Variants in DIP2B observed in about 807,000 individuals in gnomAD.
The protein encoded by DIP2B is disco-interacting protein 2 homolog B.
A neutral mutation model predicts 198.0 loss-of-function variants in DIP2B; 76 were observed. The ratio of observed to expected loss-of-function variants is 0.38; its 90% CI spans 0.32 to 0.46. The LOEUF (loss-of-function observed/expected upper bound fraction) is 0.46, where lower values mean the gene tolerates loss of function less well. Among genes scored for constraint, DIP2B ranks in the 20% least tolerant of loss-of-function variants. DIP2B has a pLI of 0.99. For synonymous variants in DIP2B, 701 were observed against 739.1 expected, an observed-to-expected ratio of 0.95 and a Z score of 0.84; for missense variants, 1,559 against 1,978.4, an observed-to-expected ratio of 0.79 and a Z score of 4.02.
At chr12:50,522,521 T>G (rs950446414) in intron 1 of DIP2B, among the ~76,000 whole-genome samples, 19 of 152,070 alleles carry the variant, frequency 1.2e-4, no homozygotes, top group African/African-American at 4.3e-4. Flanking sequence ...ACCTAATGGA[T>G]GCATCTTTGG....
Position 50,671,376 on chromosome 12 carries a change from T to C in DIP2B, c.618T>C (p.Asp206=). The change falls in exon 5 of 38, where the codon GAT becomes GAC. Residue 206 remains aspartate, a synonymous_variant. Coordinates refer to ENST00000301180, the MANE Select transcript of DIP2B (RefSeq NM_173602.3). ...EVKGTSGSLA[D]VFANTRIENF... ...AAGGAACCAGTGGGTCTCTAGCTGA[T>C]GTATTTGCCAATACTCGAATAGGTA... 4 of 1,614,196 alleles carry C rather than the reference T, an allele frequency of 2.5e-6. No homozygotes were observed. In the South Asian group the frequency reaches 4.4e-5, roughly 18 times the overall value.
intron 1 of DIP2B, among the ~76,000 whole-genome samples, chr12:50,512,429 G>A (rs1214414415): frequency 1.3e-5 from 2 of 152,036 alleles, no homozygotes; most frequent in Non-Finnish European, 2.9e-5. Context: ...CTTGTAGAGA[G>A]GTCCTTTGTA....
At chr12:50,574,092 A>C (rs1958637493) in intron 1 of DIP2B, among the ~76,000 whole-genome samples, 1 of 152,208 alleles carries the variant, frequency 6.6e-6, no homozygotes, top group South Asian at 2.1e-4. Context: ...TTTTACAAAC[A>C]AATGTGAAGG....
intron 1 of DIP2B, among the ~76,000 whole-genome samples, chr12:50,556,120 G>A (rs897193726): frequency 3.3e-5 from 5 of 151,868 alleles, no homozygotes; most frequent in Admixed American, 6.6e-5. Flanking sequence ...GTGGCGCGAC[G>A]CTCACTGTAA....
At chr12:50,730,939 A>G (rs1160967191) in intron 30 of DIP2B, among the ~76,000 whole-genome samples, 1 of 152,172 alleles carries the variant, frequency 6.6e-6, no homozygotes, top group Non-Finnish European at 1.5e-5. Flanking sequence ...CTTGATTCAC[A>G]TCTCATATTC....
At chr12:50,683,644 G>C (rs1018767526) in intron 10 of DIP2B, among the ~76,000 whole-genome samples, 2 of 152,024 alleles carry the variant, frequency 1.3e-5, no homozygotes, top group Non-Finnish European at 2.9e-5. Context: ...TTAGTTGGGC[G>C]TGGTGGCGGG....
At chr12:50,704,084 A>G in intron 19 of DIP2B, 56 bp from the exon 20 acceptor site, 1 of 1,500,528 alleles carries the variant, frequency 6.7e-7, no homozygotes, top group Non-Finnish European at 9.2e-7. Flanking sequence ...TTTAAAAATC[A>G]CATATACTTT....
intron 1 of DIP2B, among the ~76,000 whole-genome samples, chr12:50,608,608 A>G (rs1959004268): frequency 2.0e-5 from 3 of 151,102 alleles, no homozygotes; most frequent in Admixed American, 2.0e-4. Flanking sequence ...CCTGGGTGAC[A>G]TAGCAAGACT....
chr12:50,695,159 TTGAG>T, intron 14 of DIP2B, 104 bp from the exon 15 acceptor site: 2 of 804,768 alleles, frequency 2.5e-6, no homozygotes, highest in African/African-American at 3.5e-5. Flanking sequence ...GAGTGTGTAT[TTGAG>T]TATTACTTGT....
intron 1 of DIP2B, among the ~76,000 whole-genome samples, chr12:50,584,491 A>G (rs1311806214): frequency 1.3e-5 from 2 of 152,198 alleles, no homozygotes; most frequent in South Asian, 2.1e-4. Context: ...CTGTGCTTCC[A>G]TTTTTGTCTC....
rs539850885 is a variant in DIP2B, at chr12:50,671,664, T to C, written c.640+266T>C. On this transcript the variant is annotated intron_variant, in intron 5 of 37. Coordinates refer to ENST00000301180, the MANE Select transcript of DIP2B (RefSeq NM_173602.3). ...TAAGCAATGCTCAAGCTGCAAGATATAACACCAGTCTCAGTGTGGAGTTAT... is the reference window on the plus strand; with the variant it reads ...TAAGCAATGCTCAAGCTGCAAGATACAACACCAGTCTCAGTGTGGAGTTAT... Among the ~76,000 whole-genome samples, 3 of 152,334 alleles carry C rather than the reference T, an allele frequency of 2.0e-5. No homozygotes were observed. The South Asian group carries it at 6.2e-4, about 32-fold the overall frequency.
intron 4 of DIP2B, 52 bp downstream of exon 4, chr12:50,660,371 G>T: frequency 6.6e-7 from 1 of 1,514,192 alleles, no homozygotes. Flanking sequence ...TGATGTTCCT[G>T]AAATAAGTTC....
intron 22 of DIP2B, among the ~76,000 whole-genome samples, chr12:50,713,657 A>G (rs1305140573): frequency 6.6e-6 from 1 of 152,214 alleles, no homozygotes; most frequent in Non-Finnish European, 1.5e-5. Context: ...GCTCCTTTAG[A>G]GAGCTGCTGT....
chr12:50,552,663 T>C (rs1456990662), intron 1 of DIP2B, among the ~76,000 whole-genome samples: 1 of 152,170 alleles, frequency 6.6e-6, no homozygotes, highest in Non-Finnish European at 1.5e-5. Context: ...AAGTTTGATA[T>C]AGTCCCATTT....
intron 6 of DIP2B, among the ~76,000 whole-genome samples, chr12:50,675,077 G>A (rs949542162): frequency 2.0e-5 from 3 of 152,150 alleles, no homozygotes; most frequent in Admixed American, 1.3e-4. Flanking sequence ...GTGACAGAGC[G>A]AGACTCCATC....
chr12:50,716,516 A>G (rs1370124548), intron 23 of DIP2B, among the ~76,000 whole-genome samples: 6 of 151,806 alleles, frequency 4.0e-5, no homozygotes, highest in African/African-American at 7.3e-5. Context: ...CGACTGAGCG[A>G]GACTCTGTCT....
chr12:50,738,646 G>A (rs1201988180), intron 35 of DIP2B, among the ~76,000 whole-genome samples: 6 of 151,998 alleles, frequency 3.9e-5, no homozygotes, highest in Non-Finnish European at 8.8e-5. Context: ...CACCACGCCT[G>A]GCTAATTTTG....
At chr12:50,551,505 A>G (rs1958427100) in intron 1 of DIP2B, among the ~76,000 whole-genome samples, 1 of 152,112 alleles carries the variant, frequency 6.6e-6, no homozygotes, top group South Asian at 2.1e-4. Flanking sequence ...GTGCAGTAGC[A>G]TGATCTCGGT....
chr12:50,699,326 C>A, intron 19 of DIP2B, 124 bp downstream of exon 19: 1 of 1,398,790 alleles, frequency 7.1e-7, no homozygotes, highest in Non-Finnish European at 9.7e-7. Flanking sequence ...TGGAGCTAGA[C>A]TTGCCTAAGT....
Sources: gnomAD v4.1 joint callset for allele counts (sites outside exome capture counted in the v4.1 genomes callset) on GRCh38, gnomAD v4.1.1 for gene constraint, MANE v1.5 for transcripts, NCBI Gene and HGNC (gene_info 2026-07-23, HGNC 2026-07-21) for gene names.